Variants in ZFAND3 observed in about 807,000 individuals in gnomAD.
ZFAND3 encodes AN1-type zinc finger protein 3.
A neutral mutation model predicts 29.6 loss-of-function variants in ZFAND3; 10 were observed. The ratio of observed to expected loss-of-function variants is 0.34; its 90% CI spans 0.21 to 0.57. The LOEUF is 0.57. Among genes scored for constraint, ZFAND3 ranks in the 20% least tolerant of loss-of-function variants. The probability of loss-of-function intolerance (pLI) is 0.86; values close to 1 mark genes in which losing one functional copy is unlikely to be tolerated. For synonymous variants in ZFAND3, 128 were observed against 112.6 expected (o/e 1.14, Z -0.87); for missense variants, 230 against 304.5 (o/e 0.76, Z 1.82).
chr6:37,844,540 C>T (rs185550267), intron 1 of ZFAND3, among the ~76,000 whole-genome samples: 8 of 150,740 alleles, frequency 5.3e-5, no homozygotes, highest in African/African-American at 1.5e-4. Flanking sequence ...CTTGGCCTCC[C>T]AAAGGGCTGA....
Position 38,131,244 on chromosome 6 carries a change from C to CA in ZFAND3, c.529+14513dup, listed in dbSNP as rs911171960. 2.0e-4 allele frequency among the ~76,000 whole-genome samples: 31 copies of CA among 151,590 alleles called. 1 individual carries two copies. The highest frequency in any genetic ancestry group is 5.8e-4 in the East Asian group (3 of 5,176). On this transcript the variant is annotated intron_variant, in intron 5 of 5. Coordinates refer to ENST00000287218, the MANE Select transcript of ZFAND3 (RefSeq NM_021943.3). ...GGCCTATGAATTTTATTTATCTTTT[C>CA]AAAAAAAACAGCTTTTTGTTTCATT...
intron 1 of ZFAND3, among the ~76,000 whole-genome samples, chr6:37,909,302 C>T (rs1439397661): frequency 1.4e-4 from 20 of 145,440 alleles, no homozygotes; most frequent in African/African-American, 4.8e-4. Context: ...TTTTTTGAGA[C>T]GGAGTCTTGC....
intron 5 of ZFAND3, among the ~76,000 whole-genome samples, chr6:38,135,468 GC>G (rs1431880512): frequency 1.3e-5 from 2 of 152,240 alleles, no homozygotes; most frequent in African/African-American, 4.8e-5. Flanking sequence ...CGTGAGGCCG[GC>G]CGTGGTGGCT....
chr6:37,979,779 C>T (rs1762550088), intron 2 of ZFAND3, among the ~76,000 whole-genome samples: 1 of 152,294 alleles, frequency 6.6e-6, no homozygotes, highest in East Asian at 1.9e-4. Flanking sequence ...ATATATAACT[C>T]TTCCTTGTGT....
rs1561922411 is a variant in ZFAND3 at position 37,886,280 on chromosome 6, A to AAAAAAAC, written c.72-43678_72-43677insAAAAACA. 1.2e-4 allele frequency among the ~76,000 whole-genome samples: 16 copies of AAAAAAAC among 128,922 alleles called. 1 individual carries two copies. Among genetic ancestry groups the AAAAAAAC allele is most frequent in the African/African-American group, 4.5e-4 (15 of 33,030 alleles). 84.6% of individuals were successfully genotyped at this position (128,922 alleles called of 152,430 possible). On this transcript the variant is annotated intron_variant, in intron 1 of 5. Transcript: ENST00000287218. ...AAAAAAAAAAAAAAAAAAAAAAAAA[A>AAAAAAAC]AGTTCAAAGAATATGCTGTTACTCA... is the stretch of plus-strand genomic sequence containing the variant.
At chr6:38,050,434 A>G (rs1406722023) in intron 2 of ZFAND3, among the ~76,000 whole-genome samples, 1 of 152,036 alleles carries the variant, frequency 6.6e-6, no homozygotes, top group Non-Finnish European at 1.5e-5. Flanking sequence ...TGTAGTTCCC[A>G]TAATCCCCAC....
chr6:37,971,716 C>T (rs906110162), intron 2 of ZFAND3, among the ~76,000 whole-genome samples: 3 of 151,454 alleles, frequency 2.0e-5, no homozygotes, highest in African/African-American at 7.3e-5. Context: ...CAGCTGGGTG[C>T]AGTGGCTTAT....
intron 1 of ZFAND3, among the ~76,000 whole-genome samples, chr6:37,828,216 C>T (rs755263590): frequency 2.0e-5 from 3 of 152,172 alleles, no homozygotes; most frequent in Non-Finnish European, 4.4e-5. Flanking sequence ...CTTCTTTGTC[C>T]AGGCACTTGG....
At chr6:37,984,970 AT>A (rs1297311609) in intron 2 of ZFAND3, among the ~76,000 whole-genome samples, 4 of 152,212 alleles carry the variant, frequency 2.6e-5, no homozygotes, top group Non-Finnish European at 1.5e-5. Flanking sequence ...AATGTGAAAA[AT>A]GTCTGAAAAA....
chr6:38,045,744 A>G (rs1426411296), intron 2 of ZFAND3, among the ~76,000 whole-genome samples: 1 of 152,218 alleles, frequency 6.6e-6, no homozygotes, highest in African/African-American at 2.4e-5. Flanking sequence ...TTCTTTTTAA[A>G]ATGATGATAT....
At chr6:37,979,457 C>T (rs1762544704) in intron 2 of ZFAND3, among the ~76,000 whole-genome samples, 1 of 152,126 alleles carries the variant, frequency 6.6e-6, no homozygotes, top group South Asian at 2.1e-4. Context: ...TACTTGGAAG[C>T]AATTTTGTCT....
At chr6:38,091,698 T>G (rs1373251044) in intron 4 of ZFAND3, among the ~76,000 whole-genome samples, 4 of 151,090 alleles carry the variant, frequency 2.6e-5, no homozygotes, top group Admixed American at 2.0e-4. Context: ...AGCCTTTTTT[T>G]TTTTTTTTTG....
At chr6:37,954,711 T>C (rs1762056131) in intron 2 of ZFAND3, among the ~76,000 whole-genome samples, 1 of 152,230 alleles carries the variant, frequency 6.6e-6, no homozygotes, top group Non-Finnish European at 1.5e-5. Flanking sequence ...TTGTATTCCT[T>C]AAAAACTTCC....
intron 2 of ZFAND3, among the ~76,000 whole-genome samples, chr6:38,005,188 A>G (rs1270791887): frequency 6.6e-6 from 1 of 152,192 alleles, no homozygotes; most frequent in Non-Finnish European, 1.5e-5. Context: ...TTCAAACCCC[A>G]GGAGCTCCAC....
intron 4 of ZFAND3, among the ~76,000 whole-genome samples, chr6:38,095,521 C>T (rs1764961050): frequency 6.6e-6 from 1 of 152,072 alleles, no homozygotes. Context: ...TTTCCTAGCG[C>T]CTACCGGTCT....
intron 1 of ZFAND3, among the ~76,000 whole-genome samples, chr6:37,899,820 C>T (rs973515313): frequency 1.1e-4 from 16 of 152,148 alleles, no homozygotes; most frequent in Non-Finnish European, 2.1e-4. Flanking sequence ...GTTCACAGTT[C>T]CATTACCCCG....
At chr6:37,838,136 G>A (rs1406141936) in intron 1 of ZFAND3, among the ~76,000 whole-genome samples, 1 of 152,118 alleles carries the variant, frequency 6.6e-6, no homozygotes, top group African/African-American at 2.4e-5. Context: ...TGAACTTCTG[G>A]CTCAGATTTA....
chr6:38,097,720 T>C (rs992560264), intron 4 of ZFAND3, among the ~76,000 whole-genome samples: 1 of 152,150 alleles, frequency 6.6e-6, no homozygotes, highest in Non-Finnish European at 1.5e-5. Flanking sequence ...GCTCAGTAGA[T>C]AATAGAGATG....
rs1395422831 is a variant in ZFAND3, at chr6:38,153,691, G to T, written c.*1302G>T. ...GTGGGGAAGGGTGGGGGTGGGCCTG[G>T]TTGCCCCATGTTAGGAAATCACTAC... On this transcript the variant is annotated 3_prime_UTR_variant, in exon 6 of 6. Coordinates refer to ENST00000287218, the MANE Select transcript of ZFAND3 (RefSeq NM_021943.3). The T allele has an allele frequency of 1.0e-6, 1 of 985,248 alleles. No homozygotes were observed. Among genetic ancestry groups the T allele is most frequent in the Admixed American group, 6.1e-5 (1 of 16,270 alleles). 61.0% of individuals were successfully genotyped at this position (985,248 alleles called of 1,614,324 possible).
Sources: allele counts gnomAD v4.1 joint callset (sites outside exome capture counted in the v4.1 genomes callset), GRCh38; gene constraint gnomAD v4.1.1; transcripts MANE v1.5; gene names NCBI Gene and HGNC (gene_info 2026-07-23, HGNC 2026-07-21).